OR2A42: variants seen among roughly 807,000 people sequenced by gnomAD.
OR2A42 encodes the protein olfactory receptor family 2 subfamily A member 42, also known as olfactory receptor 2A1/2A42.
For missense variants in OR2A42, 3 were observed against 104.1 expected (o/e 0.03, Z 4.23); for synonymous variants, 5 against 46.4 (o/e 0.11, Z 3.63).
At chr7:144,235,038 A>G (rs1288972297) in intron 2 of OR2A42, among the ~76,000 whole-genome samples, 1 of 146,972 alleles carries the variant, frequency 6.8e-6, no homozygotes, top group African/African-American at 2.6e-5. Flanking sequence ...TAGTTTTGAC[A>G]TATCAGATTC....
At chr7:144,238,973 A>T (rs1276343756) in intron 1 of OR2A42, 1 of 149,132 alleles carries the variant, frequency 6.7e-6, no homozygotes. Flanking sequence ...GACAATGAAT[A>T]AGCTCCTGGC....
At chr7:144,239,495 GT>G (rs2052473626) in intron 1 of OR2A42, 80 bp downstream of exon 1, 1 of 124,134 alleles carries the variant, frequency 8.1e-6, no homozygotes, top group African/African-American at 3.0e-5. Context: ...TTATTACAAT[GT>G]GGTCTTTGAC....
intron 2 of OR2A42, among the ~76,000 whole-genome samples, chr7:144,238,219 A>G (rs1163378256): frequency 8.2e-6 from 1 of 121,328 alleles, no homozygotes; most frequent in Non-Finnish European, 1.7e-5. Flanking sequence ...TGGATGATGT[A>G]TTCTTTATTT....
Position 144,230,459 on chromosome 7 carries a change from G to A in OR2A42, c.*1452C>T, listed in dbSNP as rs1451124128. 7 of 141,324 alleles carry A rather than the reference G, an allele frequency of 5.0e-5. No homozygotes were observed. The highest frequency in any genetic ancestry group is 9.3e-5 in the Non-Finnish European group (6 of 64,612). 8.8% of individuals were successfully genotyped at this position (141,324 alleles called of 1,614,324 possible). On this transcript the variant is annotated 3_prime_UTR_variant, in exon 3 of 3. Coordinates refer to ENST00000641810, the MANE Select transcript of OR2A42 (RefSeq NM_001001802.3). ...CTCTACCTCATAGGGTTTTTATGAG[G>A]ACTTAAAGAGCTCTTACTTGTAAGG...
chr7:144,237,823 A>G (rs2128821092), intron 2 of OR2A42, among the ~76,000 whole-genome samples: 1 of 149,610 alleles, frequency 6.7e-6, no homozygotes, highest in African/African-American at 2.5e-5. Flanking sequence ...GAAACAAAAA[A>G]AGTAGCAATT....
chr7:144,228,637 G>C lies in OR2A42; in HGVS notation c.*3274C>G, dbSNP rs1314947898. 3 of 123,152 alleles carry C rather than the reference G, an allele frequency of 2.4e-5. No homozygotes were observed. The highest frequency in any genetic ancestry group is 8.9e-5 in the African/African-American group (3 of 33,696). The allele number at this position is 123,152 out of a possible 1,614,324, so 7.6% of individuals were successfully genotyped here. The stretch of plus-strand genomic sequence containing the variant: ...AGAAATCAGAAGATGGCTCAACACT[G>C]AAAATTTGGAAATGGGGTCAACAGA... On this transcript the variant is annotated 3_prime_UTR_variant, in exon 3 of 3. Transcript: ENST00000641810.
At position 144,229,812 on chromosome 7, in the gene OR2A42, A is replaced by C. The variant is rs1240910250; in HGVS notation, c.*2099T>G. The stretch of plus-strand genomic sequence containing the variant: ...TTATTATTGTTGGAGACAAGGTCTC[A>C]CTCTGTCACCCAGGCTGGAATGCAG... On this transcript the variant is annotated 3_prime_UTR_variant, in exon 3 of 3. Transcript: ENST00000641810. The C allele has an allele frequency of 2.7e-5, 4 of 150,904 alleles. No homozygotes were observed. The highest frequency in any genetic ancestry group is 4.8e-5 in the African/African-American group (2 of 41,276). The allele number at this position is 150,904 out of a possible 1,614,324, so 9.3% of individuals were successfully genotyped here.
rs1293861426 is a variant in OR2A42, at chr7:144,230,495, A to G, written c.*1416T>C. ...CTCTTACTTGTAAGGTTCTTGGAAT[A>G]GTGCTTCACTAAGCACTGTGCGTAT... On this transcript the variant is annotated 3_prime_UTR_variant, in exon 3 of 3. Transcript: ENST00000641810. 6.8e-6 allele frequency: 1 copy of G among 146,758 alleles called. No homozygotes were observed. The highest frequency in any genetic ancestry group is 2.6e-5 in the African/African-American group (1 of 38,542). The allele number at this position is 146,758 out of a possible 1,614,324, so 9.1% of individuals were successfully genotyped here. A position where few individuals can be genotyped will look rare whatever the true frequency, so the allele number is the denominator to read the frequency against.
At position 144,238,583 on chromosome 7, in the gene OR2A42, G is replaced by A. The variant is rs2052461392; in HGVS notation, c.-156C>T. On this transcript the variant is annotated 5_prime_UTR_variant, in exon 2 of 3. Transcript: ENST00000641810. ...GAGTGAAGCACCTGAAGGTTTCTGG[G>A]AGTTTCTGTGGGAGCTGCAGAATCT... is the stretch of plus-strand genomic sequence containing the variant. 1 of 150,350 alleles carries A rather than the reference G, an allele frequency of 6.7e-6. No individual in the cohort carries two copies. The highest frequency in any genetic ancestry group is 2.1e-4 in the South Asian group (1 of 4,754). 9.3% of individuals were successfully genotyped at this position (150,350 alleles called of 1,614,324 possible). A position where few individuals can be genotyped will look rare whatever the true frequency, so the allele number is the denominator to read the frequency against.
intron 2 of OR2A42, among the ~76,000 whole-genome samples, chr7:144,235,605 T>C (rs2052417739): frequency 6.6e-6 from 1 of 152,192 alleles, no homozygotes. Context: ...AATGCATAGT[T>C]TTTTTAACCA....
intron 2 of OR2A42, among the ~76,000 whole-genome samples, chr7:144,236,644 G>GA (rs1471663169): frequency 2.1e-5 from 2 of 96,478 alleles, no homozygotes; most frequent in South Asian, 4.2e-4. Flanking sequence ...AAAAGAAAAG[G>GA]AAAAAAAGAA....
chr7:144,234,965 T>TA (rs1447341107), intron 2 of OR2A42, among the ~76,000 whole-genome samples: 5 of 144,784 alleles, frequency 3.5e-5, no homozygotes, highest in Non-Finnish European at 7.5e-5. Flanking sequence ...TTTATTTATT[T>TA]TTTTGAGACG....
rs1295468356 is a variant in OR2A42 at position 144,232,631 on chromosome 7, G to C, written c.213C>G (p.Ala71=). 1.4e-6 allele frequency: 1 copy of C among 698,260 alleles called. No homozygotes were observed. The highest frequency in any genetic ancestry group is 1.5e-5 in the South Asian group (1 of 67,542). The allele number at this position is 698,260 out of a possible 1,614,324, so 43.3% of individuals were successfully genotyped here. ...FLSHLAVVDI[A]YTRNTVPQML... is the part of the protein sequence containing the mutation. ...TCTGGGGCACCGTGTTGCGGGTGTA[G>C]GCGATGTCGACGACAGCCAGGTGTG... Residue 71 remains alanine (A), a synonymous_variant, in exon 3 of 3, where the codon GCC becomes GCG. Coordinates refer to ENST00000641810, the MANE Select transcript of OR2A42 (RefSeq NM_001001802.3).
intron 2 of OR2A42, among the ~76,000 whole-genome samples, chr7:144,237,913 C>T (rs200622126): frequency 0.055 from 7,515 of 136,228 alleles, 10 homozygotes; most frequent in East Asian, 0.16. Context: ...TCTCCAAACT[C>T]GTTTCCTCTT....
rs1353278379 is a variant in OR2A42, at chr7:144,229,565, T to A, written c.*2346A>T. The A allele has an allele frequency of 7.1e-6, 1 of 141,394 alleles. No individual in the cohort carries two copies. Among genetic ancestry groups the A allele is most frequent in the African/African-American group, 2.6e-5 (1 of 38,232 alleles). 8.8% of individuals were successfully genotyped at this position (141,394 alleles called of 1,614,324 possible). A position where few individuals can be genotyped will look rare whatever the true frequency, so the allele number is the denominator to read the frequency against. ...CCATGATTTCCTGCTGCTCCTCTGG[T>A]ACCAGGGGAGTATTCATCCCTTGAA... On this transcript the variant is annotated 3_prime_UTR_variant, in exon 3 of 3. Coordinates refer to ENST00000641810, the MANE Select transcript of OR2A42 (RefSeq NM_001001802.3).
chr7:144,238,041 G>C (rs1159448412), intron 2 of OR2A42, among the ~76,000 whole-genome samples: 2 of 130,914 alleles, frequency 1.5e-5, no homozygotes, highest in Non-Finnish European at 3.3e-5. Context: ...CTTAATGGCT[G>C]AGATCAATTA....
intron 2 of OR2A42, among the ~76,000 whole-genome samples, chr7:144,235,128 A>C (rs2052410703): frequency 6.8e-6 from 1 of 146,764 alleles, no homozygotes; most frequent in Non-Finnish European, 1.5e-5. Context: ...TTTTTAAATA[A>C]ATATTTTTTG....
rs2052344754 is a variant in OR2A42 at position 144,229,601 on chromosome 7, G to A, written c.*2310C>T. 1 of 144,500 alleles carries A rather than the reference G, an allele frequency of 6.9e-6. No individual in the cohort carries two copies. The highest frequency in any genetic ancestry group is 2.2e-4 in the South Asian group (1 of 4,480). The allele number at this position is 144,500 out of a possible 1,614,324, so 9.0% of individuals were successfully genotyped here. A position where few individuals can be genotyped will look rare whatever the true frequency, so the allele number is the denominator to read the frequency against. On this transcript the variant is annotated 3_prime_UTR_variant, in exon 3 of 3. Transcript: ENST00000641810. ...TATTCATCCCTTGAAACCTACCCCT[G>A]GTATTAGAGCTCCTCACCTTTGTCC... is the stretch of plus-strand genomic sequence containing the variant.
At chr7:144,237,561 C>G (rs1183512162) in intron 2 of OR2A42, among the ~76,000 whole-genome samples, 4 of 132,088 alleles carry the variant, frequency 3.0e-5, no homozygotes, top group African/African-American at 1.2e-4. Context: ...AACAAACAAA[C>G]AAACAACAAC....
Sources: allele counts gnomAD v4.1 joint callset (sites outside exome capture counted in the v4.1 genomes callset), GRCh38; gene constraint gnomAD v4.1.1; transcripts MANE v1.5; gene names NCBI Gene and HGNC (gene_info 2026-07-23, HGNC 2026-07-21).